Variants in SCCPDH observed in about 807,000 individuals in gnomAD.
SCCPDH encodes saccharopine dehydrogenase (putative).
In SCCPDH, 34 loss-of-function variants were observed where a neutral mutation model predicts 51.5. That is an observed-to-expected ratio of 0.66 (90% confidence interval 0.50 to 0.88). SCCPDH has a LOEUF of 0.88. Among genes scored for constraint, SCCPDH ranks in the 40% least tolerant of loss-of-function variants. The probability of loss-of-function intolerance (pLI) is 0.00; values close to 1 mark genes in which losing one functional copy is unlikely to be tolerated. For synonymous variants in SCCPDH, 187 were observed against 191.3 expected (o/e 0.98, Z 0.19); for missense variants, 464 against 527.1 (o/e 0.88, Z 1.17).
chr1:246,757,490 C>T (rs1366549463), intron 5 of SCCPDH, among the ~76,000 whole-genome samples: 2 of 151,588 alleles, frequency 1.3e-5, no homozygotes, highest in African/African-American at 4.9e-5. Flanking sequence ...GAATGGAAGG[C>T]ACTGACAGCC....
At chr1:246,738,181 GT>G in intron 3 of SCCPDH, among the ~76,000 whole-genome samples, 1 of 149,580 alleles carries the variant, frequency 6.7e-6, no homozygotes. Flanking sequence ...GGGCAACAGG[GT>G]CGGATCCTGT....
chr1:246,728,201 G>A (rs1409903356), intron 2 of SCCPDH, among the ~76,000 whole-genome samples: 1 of 152,210 alleles, frequency 6.6e-6, no homozygotes, highest in Non-Finnish European at 1.5e-5. Flanking sequence ...AGCCATCACA[G>A]TTGGCAAGAT....
chr1:246,732,704 C>G (rs909310107), intron 2 of SCCPDH, among the ~76,000 whole-genome samples: 1 of 152,086 alleles, frequency 6.6e-6, no homozygotes, highest in Non-Finnish European at 1.5e-5. Flanking sequence ...CAGGTTTTAA[C>G]CTGAGAATTA....
intron 1 of SCCPDH, among the ~76,000 whole-genome samples, chr1:246,725,488 C>CCCCA (rs10623206): frequency 0.16 from 23,888 of 151,944 alleles, 2,616 homozygotes; most frequent in African/African-American, 0.3. Context: ...GCTATTAACT[C>CCCCA]CCGTAGATTT....
At position 246,758,375 on chromosome 1, in the gene SCCPDH, C is replaced by T; in HGVS notation, c.695+19C>T. ...AGAGAAGGTAAATTAACTTAAAATCCATTTTTTATATATCTAGTCTAAGTA... is the reference window on the plus strand; with the variant it reads ...AGAGAAGGTAAATTAACTTAAAATCTATTTTTTATATATCTAGTCTAAGTA... On this transcript the variant is annotated intron_variant, in intron 6 of 11. Coordinates refer to ENST00000366510, the MANE Select transcript of SCCPDH (RefSeq NM_016002.3). 1 of 1,578,510 alleles carries T rather than the reference C, an allele frequency of 6.3e-7. No homozygotes were observed. The highest frequency in any genetic ancestry group is 8.6e-7 in the Non-Finnish European group (1 of 1,159,162).
At chr1:246,731,880 C>T (rs566213732) in intron 2 of SCCPDH, among the ~76,000 whole-genome samples, 1 of 150,872 alleles carries the variant, frequency 6.6e-6, no homozygotes, top group African/African-American at 2.4e-5. Context: ...CACCCCACGA[C>T]AGGCCCCAGT....
intron 5 of SCCPDH, among the ~76,000 whole-genome samples, chr1:246,749,641 C>T (rs964268716): frequency 1.3e-5 from 2 of 152,170 alleles, no homozygotes; most frequent in Admixed American, 6.5e-5. Flanking sequence ...TAAGAAGCTG[C>T]AAGTACTAGT....
At chr1:246,750,829 G>T (rs1263154921) in intron 5 of SCCPDH, among the ~76,000 whole-genome samples, 1 of 152,194 alleles carries the variant, frequency 6.6e-6, no homozygotes, top group Non-Finnish European at 1.5e-5. Flanking sequence ...GGATACTTTG[G>T]AATGGCCTTA....
At chr1:246,742,286 A>G (rs920586279) in intron 4 of SCCPDH, among the ~76,000 whole-genome samples, 6 of 152,236 alleles carry the variant, frequency 3.9e-5, no homozygotes, top group African/African-American at 9.6e-5. Flanking sequence ...TCTTCATGAT[A>G]ATCCTGTTTC....
chr1:246,746,172 C>CACATCTCCA (rs1202815958), intron 5 of SCCPDH, among the ~76,000 whole-genome samples: 2 of 149,754 alleles, frequency 1.3e-5, no homozygotes, highest in Non-Finnish European at 1.5e-5. Flanking sequence ...CAGCAAGACT[C>CACATCTCCA]ACATCTCCAA....
intron 5 of SCCPDH, among the ~76,000 whole-genome samples, chr1:246,753,254 G>A (rs757144189): frequency 6.6e-6 from 1 of 151,952 alleles, no homozygotes. Context: ...CAGAATTTTT[G>A]CTTTCTGCTT....
chr1:246,734,148 T>C (rs1033463652), intron 2 of SCCPDH, among the ~76,000 whole-genome samples: 1 of 152,076 alleles, frequency 6.6e-6, no homozygotes, highest in Non-Finnish European at 1.5e-5. Flanking sequence ...GCAACCCAGG[T>C]GATTCTAAAG....
intron 5 of SCCPDH, among the ~76,000 whole-genome samples, chr1:246,745,968 C>T (rs934279641): frequency 6.6e-6 from 1 of 151,866 alleles, no homozygotes; most frequent in Non-Finnish European, 1.5e-5. Flanking sequence ...ATTAGCTGGG[C>T]GTGGTGGCAG....
intron 5 of SCCPDH, among the ~76,000 whole-genome samples, chr1:246,744,350 C>T (rs1668725585): frequency 6.6e-6 from 1 of 151,924 alleles, no homozygotes; most frequent in South Asian, 2.1e-4. Flanking sequence ...TGGAGTTACG[C>T]TCTTGTCGCC....
At chr1:246,757,914 G>C (rs1668956431) in intron 5 of SCCPDH, among the ~76,000 whole-genome samples, 1 of 152,046 alleles carries the variant, frequency 6.6e-6, no homozygotes, top group African/African-American at 2.4e-5. Flanking sequence ...TAGAGTGGCT[G>C]ATCTTGAAGG....
At position 246,761,586 on chromosome 1, in the gene SCCPDH, G is replaced by A. The variant is rs1260956623; in HGVS notation, c.990+1359G>A. Among the ~76,000 whole-genome samples, 7 of 152,096 alleles carry A rather than the reference G, an allele frequency of 4.6e-5. No individual in the cohort carries two copies. In the East Asian group the frequency reaches 7.7e-4, roughly 17 times the overall value. ...CCGCCCTCCCCCAGCCCCGGCAACC[G>A]CATTCCGCTTTCTGTCTCTATGAAT... On this transcript the variant is annotated intron_variant, in intron 9 of 11. Transcript: ENST00000366510.
At chr1:246,747,894 G>A (rs1252252625) in intron 5 of SCCPDH, among the ~76,000 whole-genome samples, 4 of 152,152 alleles carry the variant, frequency 2.6e-5, no homozygotes, top group East Asian at 1.9e-4. Flanking sequence ...CGTAAAGAAC[G>A]AGGATGTTAA....
At position 246,759,945 on chromosome 1, in the gene SCCPDH, T is replaced by C; in HGVS notation, c.814-12T>C. On this transcript the variant is annotated splice_polypyrimidine_tract_variant and intron_variant, in intron 7 of 11. Coordinates refer to ENST00000366510, the MANE Select transcript of SCCPDH (RefSeq NM_016002.3). ...GGAGTAATGTTCTAACTTTGTCTTC[T>C]CCATCATCTAGGTTCAGTATGCTGC... The C allele has an allele frequency of 6.2e-7, 1 of 1,602,710 alleles. No individual in the cohort carries two copies. Among genetic ancestry groups the C allele is most frequent in the East Asian group, 2.2e-5 (1 of 44,706 alleles).
intron 3 of SCCPDH, among the ~76,000 whole-genome samples, chr1:246,738,768 G>A (rs1668636065): frequency 6.6e-6 from 1 of 152,010 alleles, no homozygotes; most frequent in Non-Finnish European, 1.5e-5. Context: ...CAGCAGAATC[G>A]CTTGAACCCG....
Sources: gnomAD v4.1 joint callset for allele counts (sites outside exome capture counted in the v4.1 genomes callset) on GRCh38, gnomAD v4.1.1 for gene constraint, MANE v1.5 for transcripts, NCBI Gene and HGNC (gene_info 2026-07-23, HGNC 2026-07-21) for gene names.